Variants in SUPT3H observed in about 807,000 individuals in gnomAD.
SUPT3H encodes the protein SPT3 homolog, SAGA and STAGA complex component.
In SUPT3H, 44 loss-of-function variants were observed where a neutral mutation model predicts 44.3. That is an observed-to-expected ratio of 0.99 (90% confidence interval 0.78 to 1.28). The LOEUF is 1.28. SUPT3H is among the 50% of genes most tolerant of loss of function. The pLI is 0.00. For missense variants in SUPT3H, 380 were observed against 387.1 expected (o/e 0.98, Z 0.15); for synonymous variants, 124 against 125.6 (o/e 0.99, Z 0.09).
intron 6 of SUPT3H, among the ~76,000 whole-genome samples, chr6:44,985,018 T>C (rs1324343682): frequency 2.0e-5 from 3 of 151,636 alleles, no homozygotes; most frequent in East Asian, 3.9e-4. Flanking sequence ...CATTGAAAAT[T>C]TGTGATCACA....
intron 2 of SUPT3H, among the ~76,000 whole-genome samples, chr6:45,274,262 G>A (rs1776667647): frequency 6.6e-6 from 1 of 152,112 alleles, no homozygotes; most frequent in South Asian, 2.1e-4. Context: ...TCTTGAAAGT[G>A]TCCTTAAAAT....
intron 2 of SUPT3H, among the ~76,000 whole-genome samples, chr6:45,177,462 C>T (rs1484791462): frequency 8.5e-5 from 13 of 152,054 alleles, no homozygotes; most frequent in South Asian, 4.2e-4. Flanking sequence ...TTGAAAGTGA[C>T]GGGGAGAATG....
intron 10 of SUPT3H, among the ~76,000 whole-genome samples, chr6:44,885,090 C>T (rs948087720): frequency 2.0e-5 from 3 of 152,194 alleles, no homozygotes; most frequent in Non-Finnish European, 4.4e-5. Flanking sequence ...CCCAGGCTTG[C>T]TTAGGTAAAC....
At chr6:45,112,597 A>G (rs1036519356) in intron 2 of SUPT3H, among the ~76,000 whole-genome samples, 8 of 152,194 alleles carry the variant, frequency 5.3e-5, no homozygotes, top group Non-Finnish European at 1.2e-4. Context: ...TTAAGTTTCT[A>G]ACAGAGGAGA....
chr6:44,877,767 G>A (rs542935373), intron 10 of SUPT3H, among the ~76,000 whole-genome samples: 2 of 151,952 alleles, frequency 1.3e-5, no homozygotes, highest in Non-Finnish European at 2.9e-5. Flanking sequence ...TGTAGACATT[G>A]GTTTATCATT....
intron 2 of SUPT3H, among the ~76,000 whole-genome samples, chr6:45,175,995 C>T (rs1242873351): frequency 1.3e-5 from 2 of 152,094 alleles, no homozygotes; most frequent in Non-Finnish European, 2.9e-5. Context: ...TATTTTGTAT[C>T]TCCCAAGCAA....
chr6:45,377,060 C>G (rs916541756), intron 1 of SUPT3H, among the ~76,000 whole-genome samples: 3 of 152,028 alleles, frequency 2.0e-5, no homozygotes. Flanking sequence ...TTCACTCTCA[C>G]GTGTGAGACC....
intron 10 of SUPT3H, among the ~76,000 whole-genome samples, chr6:44,870,962 CGA>C (rs1776339779): frequency 2.6e-5 from 4 of 151,508 alleles, no homozygotes; most frequent in Non-Finnish European, 5.9e-5. Flanking sequence ...CGGCGCACCA[CGA>C]GACTATATCC....
In SUPT3H at chr6:45,274,641, G is replaced by T. The variant is rs556781113; in HGVS notation, c.101+90560C>A. Among the ~76,000 whole-genome samples the T allele has an allele frequency of 1.2e-4, 18 of 152,326 alleles. No individual in the cohort carries two copies. In the South Asian group the frequency reaches 3.3e-3, roughly 28 times the overall value. ...CATGCCTGTAATCGCAGCACTCTGGGAGGCTGAGGCAGGTGGATGGCTTGA... is the reference window on the plus strand; with the variant it reads ...CATGCCTGTAATCGCAGCACTCTGGTAGGCTGAGGCAGGTGGATGGCTTGA... On this transcript the variant is annotated intron_variant, in intron 2 of 10. Coordinates refer to ENST00000371459, the MANE Select transcript of SUPT3H (RefSeq NM_003599.4).
intron 2 of SUPT3H, chr6:45,328,570 T>G: frequency 6.3e-7 from 1 of 1,580,340 alleles, no homozygotes; most frequent in Non-Finnish European, 8.6e-7. Flanking sequence ...AGCTACATAA[T>G]TTCTTGACAG....
rs113525662 is a variant in SUPT3H at position 44,913,216 on chromosome 6, G to A, written c.912+19437C>T. 9.0e-3 allele frequency among the ~76,000 whole-genome samples: 1,371 copies of A among 152,242 alleles called. 14 individuals are homozygous for A. Among genetic ancestry groups the A allele is most frequent in the South Asian group, 0.028 (135 of 4,824 alleles). On this transcript the variant is annotated intron_variant, in intron 10 of 10. Coordinates refer to ENST00000371459, the MANE Select transcript of SUPT3H (RefSeq NM_003599.4). Reference sequence around the variant, plus strand: ...TCCTTCCAGTTGACAGTCTACATTAGGACACATTTCTTTGCATTATTTTTT... The same window carrying A: ...TCCTTCCAGTTGACAGTCTACATTAAGACACATTTCTTTGCATTATTTTTT...
At chr6:44,824,720 CAA>C (rs35455061), downstream of SUPT3H, among the ~76,000 whole-genome samples, 2 of 152,136 alleles carry the variant, frequency 1.3e-5, no homozygotes, top group Non-Finnish European at 2.9e-5. Context: ...GCCTGGGCAA[CAA>C]AGAGAGACCT....
At position 45,271,211 on chromosome 6, in the gene SUPT3H, A is replaced by G. The variant is rs150233696; in HGVS notation, c.101+93990T>C. On this transcript the variant is annotated intron_variant, in intron 2 of 10. Transcript: ENST00000371459. ...ATTCAAGCCAGCTGCAGAAATTTGCATAAGTAACAAGGAGCTACATGTTAA... is the reference window on the plus strand; with the variant it reads ...ATTCAAGCCAGCTGCAGAAATTTGCGTAAGTAACAAGGAGCTACATGTTAA... Among the ~76,000 whole-genome samples, 7 of 152,372 alleles carry G rather than the reference A, an allele frequency of 4.6e-5. No individual in the cohort carries two copies. The South Asian group carries it at 8.3e-4, about 18-fold the overall frequency.
At chr6:45,049,717 C>T (rs1183265943) in intron 3 of SUPT3H, among the ~76,000 whole-genome samples, 4 of 151,990 alleles carry the variant, frequency 2.6e-5, no homozygotes, top group Admixed American at 2.6e-4. Context: ...CGAAAACAAA[C>T]AAGCAAAAAA....
intron 2 of SUPT3H, among the ~76,000 whole-genome samples, chr6:45,125,970 C>G (rs949872621): frequency 6.6e-6 from 1 of 151,902 alleles, no homozygotes; most frequent in Admixed American, 6.6e-5. Context: ...AAAGGAGATT[C>G]ACATAGAATG....
chr6:45,148,455 G>C (rs1390546179), intron 2 of SUPT3H, among the ~76,000 whole-genome samples: 1 of 152,114 alleles, frequency 6.6e-6, no homozygotes, highest in Non-Finnish European at 1.5e-5. Context: ...GCATAACTCA[G>C]ATTTCATTTT....
At chr6:45,228,309 C>T (rs572485876) in intron 2 of SUPT3H, among the ~76,000 whole-genome samples, 1 of 152,278 alleles carries the variant, frequency 6.6e-6, no homozygotes, top group South Asian at 2.1e-4. Context: ...GATAGCCCTC[C>T]ATAATGGCAG....
At chr6:44,862,704 T>C (rs1288430536) in intron 10 of SUPT3H, among the ~76,000 whole-genome samples, 1 of 149,744 alleles carries the variant, frequency 6.7e-6, no homozygotes, top group Non-Finnish European at 1.5e-5. Context: ...AATATTAAAA[T>C]AAAAAAAGAA....
intron 10 of SUPT3H, among the ~76,000 whole-genome samples, chr6:44,906,734 C>G (rs528754727): frequency 6.6e-6 from 1 of 152,312 alleles, no homozygotes; most frequent in African/African-American, 2.4e-5. Context: ...TGCACTCCAA[C>G]CTGGGCAACA....
Sources: gnomAD v4.1 joint callset for allele counts (sites outside exome capture counted in the v4.1 genomes callset) on GRCh38, gnomAD v4.1.1 for gene constraint, MANE v1.5 for transcripts, NCBI Gene and HGNC (gene_info 2026-07-23, HGNC 2026-07-21) for gene names.